The following PPP1R12A variants were observed in gnomAD, a reference collection of about 807,000 sequenced individuals.
PPP1R12A encodes the protein protein phosphatase 1 regulatory subunit 12A.
Under a neutral mutation model 139.6 loss-of-function variants are expected in PPP1R12A, and 19 were observed. The ratio of observed to expected loss-of-function variants is 0.14; its 90% CI spans 0.09 to 0.20. The LOEUF (loss-of-function observed/expected upper bound fraction) is 0.20, where lower values mean the gene tolerates loss of function less well. Among genes scored for constraint, PPP1R12A ranks in the 10% least tolerant of loss-of-function variants. The probability of loss-of-function intolerance (pLI) is 1.00; values close to 1 mark genes in which losing one functional copy is unlikely to be tolerated. For missense variants in PPP1R12A, 925 were observed against 1,211.5 expected (o/e 0.76, Z 3.51); for synonymous variants, 427 against 420.6 (o/e 1.02, Z -0.19).
At chr12:79,905,950 G>A (rs983831873) in intron 1 of PPP1R12A, among the ~76,000 whole-genome samples, 17 of 152,050 alleles carry the variant, frequency 1.1e-4, no homozygotes, top group African/African-American at 3.9e-4. Context: ...AAACAATTTG[G>A]TAATGTTTAT....
intron 14 of PPP1R12A, 88 bp from the exon 15 acceptor site, chr12:79,798,672 G>A (rs1444983132): frequency 1.7e-6 from 1 of 605,608 alleles, no homozygotes; most frequent in African/African-American, 1.9e-5. Context: ...AAAACATACA[G>A]GTTTAATATC....
chr12:79,857,683 T>A (rs1001814197), intron 2 of PPP1R12A, among the ~76,000 whole-genome samples: 7 of 152,136 alleles, frequency 4.6e-5, no homozygotes, highest in African/African-American at 7.2e-5. Flanking sequence ...TTCCTCAGAG[T>A]TCCTTATATA....
chr12:79,833,552 C>T (rs1355269255), intron 3 of PPP1R12A, among the ~76,000 whole-genome samples: 1 of 151,594 alleles, frequency 6.6e-6, no homozygotes, highest in Non-Finnish European at 1.5e-5. Context: ...GAGCCAGGTG[C>T]GTTGGCTCAC....
chr12:79,842,359 AG>A (rs1373613036), intron 3 of PPP1R12A, among the ~76,000 whole-genome samples: 11 of 152,212 alleles, frequency 7.2e-5, no homozygotes. Flanking sequence ...CCTAATCCCA[AG>A]GAATAAAAAT....
chr12:79,781,476 C>T (rs947985636), intron 23 of PPP1R12A, among the ~76,000 whole-genome samples: 7 of 151,836 alleles, frequency 4.6e-5, no homozygotes, highest in Admixed American at 1.3e-4. Flanking sequence ...ATGATTAAAA[C>T]GTTTTAGGTA....
In PPP1R12A at chr12:79,814,182, A is replaced by G. The variant is rs141400041; in HGVS notation, c.1239+3212T>C. Among the ~76,000 whole-genome samples the G allele has an allele frequency of 2.5e-4, 38 of 151,940 alleles. No homozygotes were observed. In the East Asian group the frequency reaches 6.4e-3, roughly 26 times the overall value. On this transcript the variant is annotated intron_variant, in intron 9 of 24. Transcript: ENST00000450142. ...TTAAAAGTCATACAGTATTGATAAG[A>G]AGACTCCCTCTTCGGCTGGGCATGG...
chr12:79,882,627 G>A (rs1049686275), intron 1 of PPP1R12A, among the ~76,000 whole-genome samples: 1 of 152,206 alleles, frequency 6.6e-6, no homozygotes, highest in African/African-American at 2.4e-5. Context: ...AAACTTGGTT[G>A]ATACAGTGGC....
intron 1 of PPP1R12A, among the ~76,000 whole-genome samples, chr12:79,915,256 G>A (rs1167246298): frequency 1.3e-5 from 2 of 152,072 alleles, no homozygotes; most frequent in Non-Finnish European, 1.5e-5. Context: ...GAGAATGTAT[G>A]CATGTTTATG....
At chr12:79,901,377 G>A (rs1885627795) in intron 1 of PPP1R12A, among the ~76,000 whole-genome samples, 1 of 152,082 alleles carries the variant, frequency 6.6e-6, no homozygotes, top group South Asian at 2.1e-4. Flanking sequence ...GTTGTTTTCA[G>A]TTCTTGGTTA....
chr12:79,889,695 T>C (rs1383215734), intron 1 of PPP1R12A, among the ~76,000 whole-genome samples: 1 of 152,006 alleles, frequency 6.6e-6, no homozygotes, highest in Non-Finnish European at 1.5e-5. Context: ...TAAAAAGAAA[T>C]GGTGGGGTTG....
At chr12:79,889,191 T>G (rs894876843) in intron 1 of PPP1R12A, among the ~76,000 whole-genome samples, 1 of 152,218 alleles carries the variant, frequency 6.6e-6, no homozygotes, top group Non-Finnish European at 1.5e-5. Context: ...TGTTCACATA[T>G]GGATTATCTC....
chr12:79,790,894 CT>C (rs1871762636), intron 19 of PPP1R12A, among the ~76,000 whole-genome samples: 1 of 152,084 alleles, frequency 6.6e-6, no homozygotes, highest in Non-Finnish European at 1.5e-5. Flanking sequence ...GTTTGTTAAA[CT>C]TCTTAATTTA....
At chr12:79,788,470 C>T in intron 21 of PPP1R12A, 178 bp downstream of exon 21, 1 of 561,744 alleles carries the variant, frequency 1.8e-6, no homozygotes, top group Non-Finnish European at 3.0e-6. Flanking sequence ...GGATGACTTT[C>T]TCTTCCCTTT....
chr12:79,894,451 G>A (rs903469812), intron 1 of PPP1R12A, among the ~76,000 whole-genome samples: 1 of 151,946 alleles, frequency 6.6e-6, no homozygotes, highest in African/African-American at 2.4e-5. Context: ...GGATTCCCAT[G>A]GATAGAAAGA....
intron 23 of PPP1R12A, chr12:79,779,281 C>T (rs764891469): frequency 1.6e-6 from 2 of 1,281,428 alleles, no homozygotes; most frequent in African/African-American, 3.0e-5. Context: ...AAAAAGCAAG[C>T]AGCAGTAATT....
chr12:79,921,690 T>C (rs1200173213), intron 1 of PPP1R12A, among the ~76,000 whole-genome samples: 3 of 152,246 alleles, frequency 2.0e-5, no homozygotes, highest in Admixed American at 1.3e-4. Flanking sequence ...AGTACTGTGC[T>C]GGACATATGA....
Position 79,817,533 on chromosome 12 carries a change from C to A in PPP1R12A, c.1115-15G>T. ...TTTTGTCTTATCTATTAAAGACAAACAATTAAGAGTCAAGATTCCATATAT... is the reference window on the plus strand; with the variant it reads ...TTTTGTCTTATCTATTAAAGACAAAAAATTAAGAGTCAAGATTCCATATAT... On this transcript the variant is annotated splice_polypyrimidine_tract_variant and intron_variant, in intron 8 of 24. Coordinates refer to ENST00000450142, the MANE Select transcript of PPP1R12A (RefSeq NM_002480.3). 5.1e-6 allele frequency: 8 copies of A among 1,560,420 alleles called. No homozygotes were observed. The highest frequency in any genetic ancestry group is 7.0e-6 in the Non-Finnish European group (8 of 1,150,514).
intron 22 of PPP1R12A, chr12:79,782,462 C>G (rs1255745059): frequency 2.6e-6 from 1 of 386,766 alleles, no homozygotes; most frequent in Non-Finnish European, 5.0e-6. Context: ...GAGCTCAGGC[C>G]TTTCATTTTT....
At chr12:79,919,805 A>G (rs1887300154) in intron 1 of PPP1R12A, among the ~76,000 whole-genome samples, 1 of 152,200 alleles carries the variant, frequency 6.6e-6, no homozygotes, top group Admixed American at 6.5e-5. Context: ...GACTGATAGA[A>G]GATAATTACT....
Sources: gnomAD v4.1 joint callset for allele counts (sites outside exome capture counted in the v4.1 genomes callset) on GRCh38, gnomAD v4.1.1 for gene constraint, MANE v1.5 for transcripts, NCBI Gene and HGNC (gene_info 2026-07-23, HGNC 2026-07-21) for gene names.